PAPOLA: variants seen among roughly 807,000 people sequenced by gnomAD.
PAPOLA encodes the protein poly(A) polymerase alpha.
Under a neutral mutation model 100.6 loss-of-function variants are expected in PAPOLA, and 15 were observed. The ratio of observed to expected loss-of-function variants is 0.15; its 90% confidence interval spans 0.10 to 0.23. The LOEUF (loss-of-function observed/expected upper bound fraction) is 0.23, where lower values mean the gene tolerates loss of function less well. Among genes scored for constraint, PAPOLA ranks in the 10% least tolerant of loss-of-function variants. The pLI is 1.00. For synonymous variants in PAPOLA, 293 were observed against 300.0 expected (o/e 0.98, Z 0.24); for missense variants, 533 against 884.2 (o/e 0.60, Z 5.04).
intron 1 of PAPOLA, among the ~76,000 whole-genome samples, chr14:96,506,396 G>T (rs888021138): frequency 2.0e-5 from 3 of 152,290 alleles, no homozygotes; most frequent in Non-Finnish European, 4.4e-5. Flanking sequence ...TGATTTGTGA[G>T]CTAAACTGGT....
At chr14:96,532,069 T>C (rs1039228397) in intron 7 of PAPOLA, 2 of 1,277,118 alleles carry the variant, frequency 1.6e-6, no homozygotes, top group Non-Finnish European at 9.8e-7. Context: ...GAAGTTCAAA[T>C]TGGGGCAGGT....
At chr14:96,544,779 C>T (rs1302285228) in intron 15 of PAPOLA, among the ~76,000 whole-genome samples, 1 of 152,028 alleles carries the variant, frequency 6.6e-6, no homozygotes, top group Non-Finnish European at 1.5e-5. Flanking sequence ...TAACTGCCTT[C>T]ATCATCTTGA....
intron 1 of PAPOLA, among the ~76,000 whole-genome samples, chr14:96,519,586 T>G (rs1897771783): frequency 1.3e-5 from 2 of 152,328 alleles, no homozygotes; most frequent in Admixed American, 1.3e-4. Flanking sequence ...AGAACTATAT[T>G]CAGTTCTTTC....
At position 96,565,337 on chromosome 14, in the gene PAPOLA, C is replaced by G. The variant is rs1398439355; in HGVS notation, c.*287C>G. ...CTATATTTGTATTCATAATTGACAT[C>G]TGGATTGGGTTTATGTTTGATGCAT... On this transcript the variant is annotated 3_prime_UTR_variant, in exon 22 of 22. Coordinates refer to ENST00000216277, the MANE Select transcript of PAPOLA (RefSeq NM_032632.5). 3.0e-6 allele frequency: 1 copy of G among 335,040 alleles called. No homozygotes were observed. The highest frequency in any genetic ancestry group is 5.4e-6 in the Non-Finnish European group (1 of 183,644). 20.8% of individuals were successfully genotyped at this position (335,040 alleles called of 1,614,324 possible).
intron 6 of PAPOLA, among the ~76,000 whole-genome samples, chr14:96,528,745 A>G (rs1164904606): frequency 6.6e-6 from 1 of 152,162 alleles, no homozygotes; most frequent in Non-Finnish European, 1.5e-5. Flanking sequence ...AAGATAATTC[A>G]CTGTTGTACT....
chr14:96,536,418 G>C (rs1899533170), intron 11 of PAPOLA, among the ~76,000 whole-genome samples: 1 of 152,036 alleles, frequency 6.6e-6, no homozygotes, highest in Non-Finnish European at 1.5e-5. Flanking sequence ...AACCCTAGTT[G>C]TACTGTTAAT....
At chr14:96,514,340 A>AT (rs907226774) in intron 1 of PAPOLA, among the ~76,000 whole-genome samples, 379 of 145,566 alleles carry the variant, frequency 2.6e-3, no homozygotes, top group Admixed American at 5.2e-3. Context: ...CGCCCGGCTA[A>AT]TTTTTTTTTT....
At chr14:96,536,790 T>C in intron 11 of PAPOLA, 186 bp from the exon 12 acceptor site, 2 of 426,814 alleles carry the variant, frequency 4.7e-6, no homozygotes, top group Non-Finnish European at 4.2e-6. Flanking sequence ...TCAAAAAATC[T>C]TCCAGCTTTT....
At chr14:96,548,859 G>C in intron 16 of PAPOLA, among the ~76,000 whole-genome samples, 1 of 152,092 alleles carries the variant, frequency 6.6e-6, no homozygotes, top group East Asian at 1.9e-4. Flanking sequence ...ATAATATTTT[G>C]TTTCTTAAAA....
chr14:96,520,478 C>T (rs1205267388), intron 2 of PAPOLA, among the ~76,000 whole-genome samples: 2 of 152,038 alleles, frequency 1.3e-5, no homozygotes, highest in South Asian at 2.1e-4. Flanking sequence ...TGGGTTCAAG[C>T]GATTCTCCTG....
At chr14:96,532,754 A>G (rs1353931293) in intron 9 of PAPOLA, 105 bp downstream of exon 9, 1 of 1,441,210 alleles carries the variant, frequency 6.9e-7, no homozygotes, top group African/African-American at 1.4e-5. Flanking sequence ...ATTTTAGTTC[A>G]TGATGTAGTC....
Position 96,562,824 on chromosome 14 carries a change from A to G in PAPOLA, c.2073A>G (p.Gln691=), listed in dbSNP as rs1330359753. The G allele has an allele frequency of 6.2e-7, 1 of 1,605,494 alleles. No homozygotes were observed. The highest frequency in any genetic ancestry group is 1.1e-5 in the South Asian group (1 of 90,632). ...SGHDKTEAKE[Q]LDTETSTTQS... ...CCATCCTCTTTGTCTCACAGGAACAACTTGATACAGAGACAAGTACAACTC... is the reference window on the plus strand; with the variant it reads ...CCATCCTCTTTGTCTCACAGGAACAGCTTGATACAGAGACAAGTACAACTC... Residue 691 remains glutamine, a synonymous_variant, in exon 21 of 22, where the codon CAA becomes CAG. Transcript: ENST00000216277.
Position 96,522,112 on chromosome 14 carries a change from C to CTTTTTTTTTTTTTTTTTTT in PAPOLA, c.249+1043_249+1044insTTTTTTTTTTTTTTTTTTT, listed in dbSNP as rs1350167869. On this transcript the variant is annotated intron_variant, in intron 3 of 21. Coordinates refer to ENST00000216277, the MANE Select transcript of PAPOLA (RefSeq NM_032632.5). The stretch of plus-strand genomic sequence containing the variant: ...GCCACTGCATCTAGCCTCTTTCTTT[C>CTTTTTTTTTTTTTTTTTTT]TTTCTTTTTTTTTTTTTTTTTTTTT... 9.1e-5 allele frequency among the ~76,000 whole-genome samples: 9 copies of CTTTTTTTTTTTTTTTTTTT among 98,712 alleles called. 2 individuals carry two copies. The highest frequency in any genetic ancestry group is 4.0e-4 in the South Asian group (1 of 2,518). 64.8% of individuals were successfully genotyped at this position (98,712 alleles called of 152,430 possible). A position where few individuals can be genotyped will look rare whatever the true frequency, so the allele number is the denominator to read the frequency against.
intron 4 of PAPOLA, chr14:96,527,223 A>C (rs1898568124): frequency 1.9e-6 from 1 of 514,948 alleles, no homozygotes. Context: ...CACTATAAAT[A>C]GAGGATGCTG....
chr14:96,506,287 C>A (rs946649847), intron 1 of PAPOLA, among the ~76,000 whole-genome samples: 2 of 152,160 alleles, frequency 1.3e-5, no homozygotes, highest in African/African-American at 4.8e-5. Flanking sequence ...TTTATTAAAT[C>A]TTGACACTTT....
chr14:96,531,193 G>A (rs1379192500), intron 6 of PAPOLA, among the ~76,000 whole-genome samples: 1 of 151,846 alleles, frequency 6.6e-6, no homozygotes, highest in East Asian at 1.9e-4. Context: ...TAATAGAGAC[G>A]GGGTTCACCG....
At chr14:96,521,689 G>T (rs930742536) in intron 3 of PAPOLA, among the ~76,000 whole-genome samples, 1 of 152,116 alleles carries the variant, frequency 6.6e-6, no homozygotes, top group Admixed American at 6.5e-5. Flanking sequence ...GTGTTGCCCA[G>T]ACTGATCTCA....
intron 9 of PAPOLA, chr14:96,534,103 T>A: frequency 3.0e-6 from 3 of 1,004,510 alleles, no homozygotes; most frequent in Non-Finnish European, 3.6e-6. Context: ...AAGTAACTTT[T>A]AAAATTATCA....
intron 6 of PAPOLA, among the ~76,000 whole-genome samples, chr14:96,531,016 T>G (rs954979608): frequency 3.3e-5 from 5 of 152,026 alleles, no homozygotes; most frequent in African/African-American, 1.2e-4. Context: ...GTAGTTTTTG[T>G]TTTTGAGACG....
Sources: gnomAD v4.1 joint callset for allele counts (sites outside exome capture counted in the v4.1 genomes callset) on GRCh38, gnomAD v4.1.1 for gene constraint, MANE v1.5 for transcripts, NCBI Gene and HGNC (gene_info 2026-07-23, HGNC 2026-07-21) for gene names.